Variants in STK32B observed in about 807,000 individuals in gnomAD.
The protein encoded by STK32B is serine/threonine-protein kinase 32B.
STK32B carries 43 observed loss-of-function variants against 52.6 expected under a neutral mutation model. That is an observed-to-expected ratio of 0.82 (90% CI 0.64 to 1.05). STK32B has a LOEUF of 1.05. Ranked by LOEUF, STK32B falls within the 50% of genes least tolerant of loss-of-function variation. STK32B has a pLI of 0.00. For synonymous variants in STK32B, 238 were observed against 204.3 expected (o/e 1.17, Z -1.41); for missense variants, 621 against 534.6 (o/e 1.16, Z -1.59).
chr4:5,099,469 G>A (rs1713601476), intron 1 of STK32B, among the ~76,000 whole-genome samples: 1 of 53,546 alleles, frequency 1.9e-5, no homozygotes, highest in African/African-American at 1.1e-4. Flanking sequence ...CGTATGTGAT[G>A]TGTTCACAAC....
chr4:5,307,247 A>T (rs991603506), intron 3 of STK32B, among the ~76,000 whole-genome samples: 1 of 152,026 alleles, frequency 6.6e-6, no homozygotes, highest in African/African-American at 2.4e-5. Flanking sequence ...AAACTTTTAG[A>T]TTTCACTTCT....
intron 1 of STK32B, among the ~76,000 whole-genome samples, chr4:5,101,572 T>A (rs1213128578): frequency 6.6e-6 from 1 of 152,200 alleles, no homozygotes. Context: ...CTTTATCATT[T>A]TTTCTGATAC....
At chr4:5,025,034 C>A in the STK32B span, among the ~76,000 whole-genome samples, 1 of 152,210 alleles carries the variant, frequency 6.6e-6, no homozygotes, top group South Asian at 2.1e-4. Flanking sequence ...CTGGCACCTT[C>A]ATTCGTGGGT....
intron 2 of STK32B, among the ~76,000 whole-genome samples, chr4:5,147,696 T>G (rs1717019330): frequency 6.6e-6 from 1 of 152,078 alleles, no homozygotes; most frequent in African/African-American, 2.4e-5. Flanking sequence ...TTTCTCCATA[T>G]TTTGTTACTA....
intron 11 of STK32B, among the ~76,000 whole-genome samples, chr4:5,492,966 G>T (rs1456944624): frequency 6.6e-6 from 1 of 151,120 alleles, no homozygotes; most frequent in African/African-American, 2.5e-5. Context: ...TGTGCTGCTG[G>T]ATTCGGTTTG....
intron 3 of STK32B, among the ~76,000 whole-genome samples, chr4:5,259,256 C>T (rs892573263): frequency 6.6e-6 from 1 of 152,160 alleles, no homozygotes; most frequent in Admixed American, 6.5e-5. Flanking sequence ...AGTGTAAGCT[C>T]CATGAGGACA....
intron 3 of STK32B, among the ~76,000 whole-genome samples, chr4:5,247,752 T>A (rs1298226816): frequency 6.6e-6 from 1 of 152,200 alleles, no homozygotes; most frequent in South Asian, 2.1e-4. Flanking sequence ...AAGCCTTTTT[T>A]TCTTCCACCC....
chr4:5,486,063 G>A lies in STK32B; in HGVS notation c.1107-12882G>A, dbSNP rs576992778. Among the ~76,000 whole-genome samples, 49 of 152,276 alleles carry A rather than the reference G, an allele frequency of 3.2e-4. No homozygotes were observed. The South Asian group carries it at 7.3e-3, about 23-fold the overall frequency. On this transcript the variant is annotated intron_variant, in intron 11 of 11. Coordinates refer to ENST00000282908, the MANE Select transcript of STK32B (RefSeq NM_018401.3). Reference sequence around the variant, plus strand: ...ACCCACTTGAGGAGGCAGTCTGTCCGTTCTCAGATCTCCAGCTGCGTGCTG... The same window carrying A: ...ACCCACTTGAGGAGGCAGTCTGTCCATTCTCAGATCTCCAGCTGCGTGCTG...
chr4:5,059,556 C>T (rs1024320872), intron 1 of STK32B, among the ~76,000 whole-genome samples: 1 of 152,182 alleles, frequency 6.6e-6, no homozygotes, highest in Non-Finnish European at 1.5e-5. Flanking sequence ...TTGGGGTAAA[C>T]ACCACTTCAT....
At chr4:5,317,392 T>TTACATA (rs1731136613) in intron 3 of STK32B, among the ~76,000 whole-genome samples, 1 of 82,468 alleles carries the variant, frequency 1.2e-5, no homozygotes, top group African/African-American at 8.7e-5. Context: ...TACATATATA[T>TTACATA]AATATATATA....
At chr4:5,438,166 A>C (rs2369709) in intron 6 of STK32B, 1 of 976,880 alleles carries the variant, frequency 1.0e-6, no homozygotes, top group Admixed American at 6.1e-5. Flanking sequence ...CTGGCCCAGC[A>C]TGAAGGGACT....
At chr4:5,498,774 C>A (rs190738871) in intron 11 of STK32B, among the ~76,000 whole-genome samples, 171 bp from the exon 12 acceptor site, 1 of 152,340 alleles carries the variant, frequency 6.6e-6, no homozygotes, top group African/African-American at 2.4e-5. Flanking sequence ...GATCCGAGGC[C>A]CATCTGGCTA....
At chr4:5,179,221 C>A (rs1720161681) in intron 3 of STK32B, among the ~76,000 whole-genome samples, 1 of 152,196 alleles carries the variant, frequency 6.6e-6, no homozygotes, top group Non-Finnish European at 1.5e-5. Flanking sequence ...ATAAAACCAT[C>A]AGGTCTTGTG....
At position 5,399,798 on chromosome 4, in the gene STK32B, C is replaced by T. The variant is rs948447768; in HGVS notation, c.472+1554C>T. On this transcript the variant is annotated intron_variant, in intron 5 of 11. Coordinates refer to ENST00000282908, the MANE Select transcript of STK32B (RefSeq NM_018401.3). This position sits in a 1 kb window ranked among gnomAD's most constrained non-coding sequence, Gnocchi z 5.4. ...TCGGGTGAGACTCGAAGGTCAGCCA[C>T]CCATCACAGTATGCAAGCGCTCGGG... 1.5e-4 allele frequency among the ~76,000 whole-genome samples: 23 copies of T among 152,152 alleles called. No homozygotes were observed. The highest frequency in any genetic ancestry group is 2.6e-4 in the Non-Finnish European group (18 of 68,026).
chr4:5,358,403 T>A (rs1424232317), intron 4 of STK32B, among the ~76,000 whole-genome samples: 1 of 152,172 alleles, frequency 6.6e-6, no homozygotes, highest in Non-Finnish European at 1.5e-5. Context: ...ATTTTGGAAA[T>A]GTCAGCACAA....
At chr4:5,261,733 G>GTTGTTATTATTA (rs1726725220) in intron 3 of STK32B, among the ~76,000 whole-genome samples, 1 of 152,132 alleles carries the variant, frequency 6.6e-6, no homozygotes, top group African/African-American at 2.4e-5. Flanking sequence ...CAGAAAGGTA[G>GTTGTTATTATTA]TTGTTATTAT....
chr4:5,302,900 G>A (rs959643257), intron 3 of STK32B, among the ~76,000 whole-genome samples: 8 of 151,862 alleles, frequency 5.3e-5, no homozygotes, highest in East Asian at 3.9e-4. Flanking sequence ...AATGGTCTCC[G>A]TTACCATCCA....
chr4:5,383,182 G>T (rs1174287610), intron 4 of STK32B, among the ~76,000 whole-genome samples: 2 of 152,188 alleles, frequency 1.3e-5, no homozygotes, highest in East Asian at 3.9e-4. Flanking sequence ...CGGGCCTGGA[G>T]GGTGCGTATT....
chr4:5,068,366 A>T (rs901027811), intron 1 of STK32B, among the ~76,000 whole-genome samples: 4 of 152,170 alleles, frequency 2.6e-5, no homozygotes, highest in Non-Finnish European at 5.9e-5. Context: ...AAGTGAGAAC[A>T]TACAACATTT....
Sources: gnomAD v4.1 joint callset for allele counts (sites outside exome capture counted in the v4.1 genomes callset) on GRCh38, gnomAD v4.1.1 for gene constraint, Gnocchi (gnomAD v3.1) non-coding constraint, MANE v1.5 for transcripts, NCBI Gene and HGNC (gene_info 2026-07-23, HGNC 2026-07-21) for gene names.